Variants in COL25A1 observed in about 807,000 individuals in gnomAD.
COL25A1 encodes collagen alpha-1(XXV) chain.
Under a neutral mutation model 128.4 loss-of-function variants are expected in COL25A1, and 103 were observed. The ratio of observed to expected loss-of-function variants is 0.80; its 90% CI spans 0.68 to 0.94. COL25A1 has a LOEUF of 0.94. COL25A1 is among the 40% of genes least tolerant of loss of function. COL25A1 has a pLI of 0.00. For missense variants in COL25A1, 745 were observed against 840.0 expected (o/e 0.89, Z 1.40); for synonymous variants, 279 against 277.2 (o/e 1.01, Z -0.06).
intron 8 of COL25A1, among the ~76,000 whole-genome samples, chr4:108,946,278 A>G (rs1249130197): frequency 1.3e-5 from 2 of 152,234 alleles, no homozygotes; most frequent in Non-Finnish European, 2.9e-5. Flanking sequence ...AACTACTTAG[A>G]GGCCATACAT....
At chr4:108,910,451 ACTTT>A (rs1210140425) in intron 13 of COL25A1, among the ~76,000 whole-genome samples, 15 of 152,192 alleles carry the variant, frequency 9.9e-5, no homozygotes, top group Non-Finnish European at 2.1e-4. Flanking sequence ...TATATGTATT[ACTTT>A]CTTTATCTTT....
At position 108,902,029 on chromosome 4, in the gene COL25A1, T is replaced by C. The variant is rs75182053; in HGVS notation, c.781-857A>G. On this transcript the variant is annotated intron_variant, in intron 13 of 37. Coordinates refer to ENST00000399132, the MANE Select transcript of COL25A1 (RefSeq NM_198721.4). The stretch of plus-strand genomic sequence containing the variant: ...GCCCTTCACTGTGTGCCCCAATTAC[T>C]GGACAACTTTCTTCTTTCCATTGAG... Among the ~76,000 whole-genome samples the C allele has an allele frequency of 5.3e-4, 80 of 152,212 alleles. No homozygotes were observed. The East Asian group carries it at 0.013, about 25-fold the overall frequency.
chr4:109,143,136 T>C (rs1451048746), intron 3 of COL25A1, among the ~76,000 whole-genome samples: 4 of 152,178 alleles, frequency 2.6e-5, no homozygotes, highest in African/African-American at 4.8e-5. Context: ...TGCTTGTCTA[T>C]CAAGGATTTA....
chr4:108,942,322 T>A, intron 8 of COL25A1: 1 of 1,489,530 alleles, frequency 6.7e-7, no homozygotes, highest in East Asian at 2.5e-5. Context: ...CACACAGACA[T>A]TTCACTAGGG....
At chr4:108,963,981 G>C (rs935196214) in intron 8 of COL25A1, among the ~76,000 whole-genome samples, 1 of 150,626 alleles carries the variant, frequency 6.6e-6, no homozygotes, top group Non-Finnish European at 1.5e-5. Flanking sequence ...GAAAAGTGTG[G>C]ACAAATGAAA....
At chr4:109,150,953 A>G (rs943777838) in intron 3 of COL25A1, among the ~76,000 whole-genome samples, 2 of 152,128 alleles carry the variant, frequency 1.3e-5, no homozygotes, top group Non-Finnish European at 2.9e-5. Flanking sequence ...TTACTACTGT[A>G]TCTGTTTACA....
Position 109,275,129 on chromosome 4 carries a change from C to G in COL25A1, c.367+25454G>C, listed in dbSNP as rs75485868. 3.3e-5 allele frequency among the ~76,000 whole-genome samples: 5 copies of G among 152,262 alleles called. No homozygotes were observed. The East Asian group carries it at 9.7e-4, about 29-fold the overall frequency. On this transcript the variant is annotated intron_variant, in intron 3 of 37. Transcript: ENST00000399132. ...CTACCAACAAAACAGCTGAAAAGAA[C>G]AGCAGCAATGAGTAAATGTCCCCCC... is the stretch of plus-strand genomic sequence containing the variant.
In COL25A1 at chr4:108,819,307, T is replaced by G. The variant is rs200170620; in HGVS notation, c.1868A>C (p.Glu623Ala). The change falls in exon 36 of 38, where the codon GAA becomes GCA. Residue 623 changes from glutamate (E) to alanine (A), a missense_variant. By Grantham distance (107) the Glu-to-Ala change is moderately radical. Transcript: ENST00000399132. The stretch of plus-strand genomic sequence containing the variant: ...GCCAGGCTGGCCTGGCTCCCCTTTT[T>G]CCCCCTTAACGCCACGGAATCCCTG... Reference protein sequence around the residue: ...GEKGFRGVKGEKGEPGQPGLD... With the variant: ...GEKGFRGVKGAKGEPGQPGLD... The G allele has an allele frequency of 6.2e-7, 1 of 1,613,346 alleles. No individual in the cohort carries two copies. Among genetic ancestry groups the G allele is most frequent in the East Asian group, 2.2e-5 (1 of 44,832 alleles).
intron 3 of COL25A1, among the ~76,000 whole-genome samples, chr4:109,099,354 T>C (rs7437138): frequency 0.23 from 35,147 of 152,016 alleles, 5,241 homozygotes; most frequent in African/African-American, 0.4. Flanking sequence ...ACTGAAATAT[T>C]TGCATATCTA....
chr4:108,856,170 C>T (rs930186683), intron 24 of COL25A1, among the ~76,000 whole-genome samples: 5 of 152,008 alleles, frequency 3.3e-5, no homozygotes, highest in African/African-American at 9.7e-5. Context: ...AGCTTAAACT[C>T]GCCCACGATT....
At chr4:109,155,418 C>T (rs565941226) in intron 3 of COL25A1, among the ~76,000 whole-genome samples, 86 of 152,268 alleles carry the variant, frequency 5.6e-4, no homozygotes, top group Non-Finnish European at 1.1e-3. Flanking sequence ...CCGTAAGGTA[C>T]TTAAATTCCA....
intron 8 of COL25A1, among the ~76,000 whole-genome samples, chr4:108,945,066 C>A (rs527602328): frequency 5.9e-5 from 9 of 152,082 alleles, no homozygotes; most frequent in African/African-American, 1.9e-4. Context: ...TAAAAGTAAC[C>A]CTCAGAGTAT....
intron 24 of COL25A1, chr4:108,853,958 A>G (rs1321924867): frequency 6.6e-6 from 1 of 152,162 alleles, no homozygotes; most frequent in Non-Finnish European, 1.5e-5. Context: ...GCTATTGTGA[A>G]TAGTGCTGCA....
At chr4:109,011,161 T>C (rs561911570) in intron 5 of COL25A1, among the ~76,000 whole-genome samples, 46 of 152,334 alleles carry the variant, frequency 3.0e-4, no homozygotes, top group African/African-American at 1.1e-3. Flanking sequence ...CAACTGGATT[T>C]TGTATCAGAT....
At chr4:109,105,793 C>T (rs1766372809) in intron 3 of COL25A1, among the ~76,000 whole-genome samples, 1 of 152,188 alleles carries the variant, frequency 6.6e-6, no homozygotes, top group South Asian at 2.1e-4. Context: ...TTAAATAAAA[C>T]CCCACATCCT....
chr4:109,188,365 T>C (rs1775319330), intron 3 of COL25A1, among the ~76,000 whole-genome samples: 1 of 152,154 alleles, frequency 6.6e-6, no homozygotes, highest in South Asian at 2.1e-4. Context: ...CTGGATCCTG[T>C]AACTGAGAGT....
intron 3 of COL25A1, among the ~76,000 whole-genome samples, chr4:109,064,270 C>G (rs1429579524): frequency 1.3e-5 from 2 of 152,216 alleles, no homozygotes; most frequent in African/African-American, 4.8e-5. Flanking sequence ...TCTGTGGAGT[C>G]TGCCTTTCTT....
intron 34 of COL25A1, 114 bp from the exon 35 acceptor site, chr4:108,824,341 C>T (rs1194899659): frequency 2.7e-6 from 2 of 728,840 alleles, no homozygotes; most frequent in African/African-American, 3.6e-5. Flanking sequence ...CAAGAAATGG[C>T]TCACCAGTGT....
intron 8 of COL25A1, chr4:108,942,224 C>CT (rs1203771842): frequency 6.5e-7 from 1 of 1,550,296 alleles, no homozygotes; most frequent in Non-Finnish European, 8.7e-7. Context: ...CGGTGAGGAT[C>CT]TGATTACTGT....
Sources: gnomAD v4.1 joint callset for allele counts (sites outside exome capture counted in the v4.1 genomes callset) on GRCh38, gnomAD v4.1.1 for gene constraint, MANE v1.5 for transcripts, NCBI Gene and HGNC (gene_info 2026-07-23, HGNC 2026-07-21) for gene names.